Variants in BTNL8 observed in about 807,000 individuals in gnomAD.
BTNL8 encodes butyrophilin-like protein 8.
BTNL8 carries 22 observed loss-of-function variants against 36.1 expected under a neutral mutation model. That is an observed-to-expected ratio of 0.61 (90% CI 0.44 to 0.87). The LOEUF is 0.87. Among genes scored for constraint, BTNL8 ranks in the 40% least tolerant of loss-of-function variants. The probability of loss-of-function intolerance (pLI) is 0.00; values close to 1 mark genes in which losing one functional copy is unlikely to be tolerated. For missense variants in BTNL8, 526 were observed against 616.9 expected, an observed-to-expected ratio of 0.85 and a Z score of 1.56; for synonymous variants, 203 against 235.6, an observed-to-expected ratio of 0.86 and a Z score of 1.27.
rs1397237049 is a variant in BTNL8, at chr5:180,911,429, C to G, written c.488C>G (p.Pro163Arg). The change falls in exon 3 of 8, where the codon CCC (proline) becomes CGC (arginine). Residue 163 changes from proline (P) to arginine (R), a missense_variant. Physicochemically the swap from Pro to Arg is moderately radical, Grantham distance 103. Around this residue, in one of 2 missense-constraint regions of BTNL8, gnomAD observed 350 missense variants for 324.6 expected, o/e 1.08. Transcript: ENST00000340184. Reference protein sequence around the residue: ...LCQSSGWFPRPTAKWKGPQGQ... With the variant: ...LCQSSGWFPRRTAKWKGPQGQ... ...CAGTCCTCGGGCTGGTTCCCCCGGCCCACAGCGAAGTGGAAAGGTCCACAA... is the reference window on the plus strand; with the variant it reads ...CAGTCCTCGGGCTGGTTCCCCCGGCGCACAGCGAAGTGGAAAGGTCCACAA... The G allele has an allele frequency of 1.9e-6, 3 of 1,614,196 alleles. No homozygotes were observed. Among genetic ancestry groups the G allele is most frequent in the Non-Finnish European group, 2.5e-6 (3 of 1,180,032 alleles).
intron 3 of BTNL8, among the ~76,000 whole-genome samples, chr5:180,913,898 G>A (rs563955857): frequency 1.2e-4 from 19 of 152,276 alleles, no homozygotes; most frequent in Admixed American, 9.8e-4. Context: ...AATGTGACTT[G>A]AATCAGTAAG....
chr5:180,923,649 A>C (rs562884182), intron 3 of BTNL8, among the ~76,000 whole-genome samples: 70 of 152,266 alleles, frequency 4.6e-4, no homozygotes, highest in Non-Finnish European at 9.0e-4. Flanking sequence ...AATAGTAATC[A>C]TTGCAAAAAA....
rs761383953 is a variant in BTNL8, at chr5:180,911,342, T to G, written c.401T>G (p.Leu134Arg). The change falls in exon 3 of 8, where the codon CTG (leucine) becomes CGG (arginine). Residue 134 changes from leucine to arginine, a missense_variant. Coordinates refer to ENST00000340184, the MANE Select transcript of BTNL8 (RefSeq NM_001040462.3). ...CCGTTCCCTGTTTTCTCCCCAGCAC[T>G]GGGCTCAGTTCCTCTCATTTCCATC... ...KAIWELQVSA[L>R]GSVPLISITG... is the part of the protein sequence containing the mutation. The G allele has an allele frequency of 1.9e-6, 3 of 1,613,962 alleles. No homozygotes were observed. The African/African-American group carries it at 4.0e-5, about 22-fold the overall frequency.
Position 180,910,401 on chromosome 5 carries a change from C to T in BTNL8, c.398-938C>T, listed in dbSNP as rs547103079. Among the ~76,000 whole-genome samples, 31 of 152,322 alleles carry T rather than the reference C, an allele frequency of 2.0e-4. No homozygotes were observed. The South Asian group carries it at 6.2e-3, about 31-fold the overall frequency. On this transcript the variant is annotated intron_variant, in intron 2 of 7. Coordinates refer to ENST00000340184, the MANE Select transcript of BTNL8 (RefSeq NM_001040462.3). ...ATATGGCCCAGAACATTTGGCCTTC[C>T]TGCCCAGATAACATACATAACTCAC...
At chr5:180,902,290 A>T (rs527572889) in intron 1 of BTNL8, 29 of 1,472,172 alleles carry the variant, frequency 2.0e-5, no homozygotes, top group Non-Finnish European at 2.7e-5. Context: ...TTTCCTCTGG[A>T]TAACATGGTT....
At position 180,923,875 on chromosome 5, in the gene BTNL8, C is replaced by T. The variant is rs1488762915; in HGVS notation, c.673+12261C>T. On this transcript the variant is annotated intron_variant, in intron 3 of 7. Transcript: ENST00000340184. ...AAGACAGAAAAACAAACAAATATGC[C>T]ATGTATAATAACACAAAATGTCACA... Among the ~76,000 whole-genome samples, 3 of 151,962 alleles carry T rather than the reference C, an allele frequency of 2.0e-5. No individual in the cohort carries two copies. In the East Asian group the frequency reaches 5.8e-4, roughly 29 times the overall value.
chr5:180,914,399 A>G (rs1757532507), intron 3 of BTNL8, among the ~76,000 whole-genome samples: 1 of 152,192 alleles, frequency 6.6e-6, no homozygotes, highest in Admixed American at 6.5e-5. Flanking sequence ...TGAGAAATAC[A>G]TTTCTATTGT....
chr5:180,945,237 T>C (rs2084101), intron 3 of BTNL8, among the ~76,000 whole-genome samples: 70,897 of 152,054 alleles, frequency 0.47, 17,535 homozygotes, highest in African/African-American at 0.63. Context: ...CTTCAATAAA[T>C]GATATTGAAA....
At chr5:180,926,904 A>G (rs1392598649) in intron 3 of BTNL8, among the ~76,000 whole-genome samples, 2 of 152,200 alleles carry the variant, frequency 1.3e-5, no homozygotes, top group Non-Finnish European at 2.9e-5. Flanking sequence ...ACTTCAGCAG[A>G]CTTAAACGTT....
chr5:180,909,691 G>A (rs948546676), intron 2 of BTNL8: 79 of 554,654 alleles, frequency 1.4e-4, no homozygotes, highest in Non-Finnish European at 2.5e-5. Flanking sequence ...ACCAGCCTGG[G>A]CATATGGTAA....
At position 180,950,666 on chromosome 5, in the gene BTNL8, G is replaced by A. The variant is rs892212675; in HGVS notation, c.*122G>A. On this transcript the variant is annotated 3_prime_UTR_variant, in exon 8 of 8. Transcript: ENST00000340184. ...GGGGGACTGGCCTGTCCACATGGGA[G>A]TCAGGTGTCATGGCTGCCCTGAGCT... 1.9e-6 allele frequency: 2 copies of A among 1,036,796 alleles called. No individual in the cohort carries two copies. The highest frequency in any genetic ancestry group is 1.4e-6 in the Non-Finnish European group (1 of 727,886). The allele number at this position is 1,036,796 out of a possible 1,614,324, so 64.2% of individuals were successfully genotyped here.
chr5:180,916,567 C>A (rs1448417101), intron 3 of BTNL8, among the ~76,000 whole-genome samples: 1 of 151,902 alleles, frequency 6.6e-6, no homozygotes, highest in Non-Finnish European at 1.5e-5. Context: ...AATTGACAAG[C>A]CTTTACCTAG....
At chr5:180,934,516 C>T (rs539891704) in intron 3 of BTNL8, among the ~76,000 whole-genome samples, 5 of 152,312 alleles carry the variant, frequency 3.3e-5, no homozygotes, top group South Asian at 2.1e-4. Flanking sequence ...CATGAGTGAG[C>T]GAGCACAAAA....
chr5:180,914,456 G>T (rs1295095164), intron 3 of BTNL8, among the ~76,000 whole-genome samples: 1 of 152,140 alleles, frequency 6.6e-6, no homozygotes, highest in Non-Finnish European at 1.5e-5. Context: ...AGCACAAATG[G>T]ACAAAGACTG....
At chr5:180,902,230 TG>T in intron 1 of BTNL8, 2 of 863,918 alleles carry the variant, frequency 2.3e-6, no homozygotes, top group Non-Finnish European at 3.5e-6. Flanking sequence ...GGAGAGAATG[TG>T]GCAATAGAAC....
chr5:180,908,507 G>C, intron 1 of BTNL8, 79 bp from the exon 2 acceptor site: 1 of 1,393,142 alleles, frequency 7.2e-7, no homozygotes, highest in Non-Finnish European at 9.9e-7. Context: ...GACCGGAGCT[G>C]TTCCTATTCG....
At chr5:180,942,006 T>C (rs982663489) in intron 3 of BTNL8, among the ~76,000 whole-genome samples, 2 of 151,626 alleles carry the variant, frequency 1.3e-5, no homozygotes, top group African/African-American at 4.9e-5. Context: ...AGTCTAATTG[T>C]CCCTGTTTGC....
At chr5:180,936,698 G>A (rs1347467016) in intron 3 of BTNL8, among the ~76,000 whole-genome samples, 1 of 152,198 alleles carries the variant, frequency 6.6e-6, no homozygotes, top group Non-Finnish European at 1.5e-5. Flanking sequence ...CAGGAATTGT[G>A]GACGAACACA....
At chr5:180,904,964 CA>C (rs1757014202) in intron 1 of BTNL8, among the ~76,000 whole-genome samples, 1 of 151,126 alleles carries the variant, frequency 6.6e-6, no homozygotes, top group Non-Finnish European at 1.5e-5. Flanking sequence ...CAATGTTCAT[CA>C]AGGATATTGG....
Sources: allele counts gnomAD v4.1 joint callset (sites outside exome capture counted in the v4.1 genomes callset), GRCh38; gene constraint gnomAD v4.1.1; regional missense constraint gnomAD v4.1.1; transcripts MANE v1.5; gene names NCBI Gene and HGNC (gene_info 2026-07-23, HGNC 2026-07-21).